MYO1D: variants seen among roughly 807,000 people sequenced by gnomAD.
MYO1D encodes unconventional myosin-Id.
Under a neutral mutation model 122.0 loss-of-function variants are expected in MYO1D, and 83 were observed. The ratio of observed to expected loss-of-function variants is 0.68; its 90% CI spans 0.57 to 0.82. The LOEUF (loss-of-function observed/expected upper bound fraction) is 0.82. Among genes scored for constraint, MYO1D ranks in the 40% least tolerant of loss-of-function variants. The probability of loss-of-function intolerance (pLI) is 0.00; values close to 1 mark genes in which losing one functional copy is unlikely to be tolerated. For synonymous variants in MYO1D, 464 were observed against 446.9 expected (o/e 1.04, Z -0.48); for missense variants, 1,157 against 1,269.5 (o/e 0.91, Z 1.35).
chr17:32,657,434 AAAG>A (rs1649396163), intron 17 of MYO1D, among the ~76,000 whole-genome samples: 1 of 152,234 alleles, frequency 6.6e-6, no homozygotes, highest in African/African-American at 2.4e-5. Context: ...AAACCAAAAC[AAAG>A]AAGAATATGT....
intron 16 of MYO1D, among the ~76,000 whole-genome samples, chr17:32,660,310 T>C (rs988184765): frequency 6.6e-6 from 1 of 152,162 alleles, no homozygotes; most frequent in South Asian, 2.1e-4. Flanking sequence ...TTTCCCTCCC[T>C]AGTCCCTGGC....
chr17:32,718,501 C>A (rs1033272074), intron 15 of MYO1D, among the ~76,000 whole-genome samples: 12 of 151,966 alleles, frequency 7.9e-5, no homozygotes, highest in African/African-American at 1.5e-4. Context: ...AGGTTGAGAC[C>A]AGCCTGGCCA....
intron 1 of MYO1D, among the ~76,000 whole-genome samples, chr17:32,852,808 AC>A (rs2091000509): frequency 6.6e-6 from 1 of 152,186 alleles, no homozygotes; most frequent in African/African-American, 2.4e-5. Context: ...TGAGAAACAA[AC>A]CAGAGGTCCA....
intron 8 of MYO1D, among the ~76,000 whole-genome samples, chr17:32,761,126 C>A (rs2089996717): frequency 6.6e-6 from 1 of 152,170 alleles, no homozygotes. Flanking sequence ...ATCCAATGCA[C>A]AAGAACACAC....
In MYO1D at chr17:32,780,566, C is replaced by T. The variant is rs1365970933; in HGVS notation, c.304+10G>A. On this transcript the variant is annotated intron_variant, in intron 2 of 21. Transcript: ENST00000318217. ...TGACTTTGGAAATACAGGGGATCCC[C>T]TCCAATTACCTGATATCACAATACA... is the stretch of plus-strand genomic sequence containing the variant. The T allele has an allele frequency of 1.9e-6, 3 of 1,612,594 alleles. No individual in the cohort carries two copies. In the East Asian group the frequency reaches 6.7e-5, roughly 36 times the overall value.
intron 1 of MYO1D, among the ~76,000 whole-genome samples, chr17:32,786,536 T>C (rs2090295870): frequency 6.6e-6 from 1 of 152,124 alleles, no homozygotes; most frequent in Admixed American, 6.6e-5. Context: ...TGACAATCAT[T>C]AGGCCGGGCG....
At chr17:32,821,697 T>C (rs1324886341) in intron 1 of MYO1D, among the ~76,000 whole-genome samples, 1 of 152,110 alleles carries the variant, frequency 6.6e-6, no homozygotes, top group African/African-American at 2.4e-5. Context: ...GGGGGAAAAG[T>C]TTTTTCAGGG....
chr17:32,512,141 AAAT>A (rs892752446), intron 21 of MYO1D, among the ~76,000 whole-genome samples: 3 of 152,240 alleles, frequency 2.0e-5, no homozygotes, highest in Admixed American at 6.5e-5. Flanking sequence ...TCTCTACTAA[AAAT>A]ACAAAATTAG....
chr17:32,592,075 TTTCTC>T (rs1290529756), intron 21 of MYO1D, among the ~76,000 whole-genome samples: 3 of 152,230 alleles, frequency 2.0e-5, no homozygotes, highest in Non-Finnish European at 4.4e-5. Flanking sequence ...AACAATGTGT[TTTCTC>T]TTTATTATAT....
intron 1 of MYO1D, among the ~76,000 whole-genome samples, chr17:32,791,544 TA>T (rs1169441716): frequency 6.6e-6 from 1 of 152,054 alleles, no homozygotes; most frequent in East Asian, 1.9e-4. Context: ...TATTTAATGA[TA>T]GGGGCCTGAT....
intron 16 of MYO1D, among the ~76,000 whole-genome samples, chr17:32,678,828 T>G (rs983127616): frequency 2.7e-5 from 4 of 150,742 alleles, no homozygotes; most frequent in Non-Finnish European, 4.4e-5. Context: ...CCTGAGGAAT[T>G]GCCACACTGA....
intron 3 of MYO1D, among the ~76,000 whole-genome samples, chr17:32,776,597 G>C (rs948900462): frequency 4.6e-5 from 7 of 152,076 alleles, no homozygotes; most frequent in Non-Finnish European, 8.8e-5. Flanking sequence ...TTCTGAAAAG[G>C]GAAAGAATAG....
intron 1 of MYO1D, 143 bp from the exon 2 acceptor site, chr17:32,780,927 C>A: frequency 1.2e-6 from 1 of 829,746 alleles, no homozygotes; most frequent in Non-Finnish European, 1.9e-6. Context: ...TCTGAGTTAA[C>A]TTGTAGAGAA....
At chr17:32,805,954 T>C (rs1005389695) in intron 1 of MYO1D, among the ~76,000 whole-genome samples, 4 of 152,156 alleles carry the variant, frequency 2.6e-5, no homozygotes, top group African/African-American at 9.7e-5. Flanking sequence ...TAAAAGTTCA[T>C]GATTATTATA....
intron 8 of MYO1D, 136 bp downstream of exon 8, chr17:32,764,742 A>G: frequency 2.2e-6 from 2 of 910,180 alleles, no homozygotes; most frequent in Non-Finnish European, 3.3e-6. Flanking sequence ...CGAGGCTTGT[A>G]TGGCCAGAAA....
chr17:32,850,673 T>C (rs180919659), intron 1 of MYO1D, among the ~76,000 whole-genome samples: 170 of 152,336 alleles, frequency 1.1e-3, no homozygotes, highest in African/African-American at 3.7e-3. Flanking sequence ...TGATTTTCTT[T>C]CTTCTCCCTA....
At chr17:32,600,006 C>A (rs2087544258) in intron 21 of MYO1D, among the ~76,000 whole-genome samples, 1 of 152,172 alleles carries the variant, frequency 6.6e-6, no homozygotes. Flanking sequence ...ACTCCTTTAT[C>A]CACGGGCTGC....
intron 21 of MYO1D, among the ~76,000 whole-genome samples, chr17:32,598,795 T>C (rs1471612391): frequency 2.0e-5 from 3 of 152,222 alleles, no homozygotes; most frequent in Admixed American, 6.5e-5. Context: ...GAAAGTGTGA[T>C]TTAAAAAGAA....
At chr17:32,731,417 T>A (rs2089637638) in intron 14 of MYO1D, among the ~76,000 whole-genome samples, 1 of 152,220 alleles carries the variant, frequency 6.6e-6, no homozygotes, top group Non-Finnish European at 1.5e-5. Flanking sequence ...GGCCTTTCAT[T>A]TCTTGATGTA....
Sources: gnomAD v4.1 joint callset for allele counts (sites outside exome capture counted in the v4.1 genomes callset) on GRCh38, gnomAD v4.1.1 for gene constraint, MANE v1.5 for transcripts, NCBI Gene and HGNC (gene_info 2026-07-23, HGNC 2026-07-21) for gene names.